FBRSL1: variants seen among roughly 807,000 people sequenced by gnomAD.
The protein encoded by FBRSL1 is fibrosin like 1, also known as fibrosin-1-like protein.
Under a neutral mutation model 89.6 loss-of-function variants are expected in FBRSL1, and 51 were observed. The ratio of observed to expected loss-of-function variants is 0.57; its 90% CI spans 0.45 to 0.72. The LOEUF is 0.72. Among genes scored for constraint, FBRSL1 ranks in the 30% least tolerant of loss-of-function variants. FBRSL1 has a pLI of 0.00. For synonymous variants in FBRSL1, 779 were observed against 681.1 expected (o/e 1.14, Z -2.24); for missense variants, 1,618 against 1,451.8 (o/e 1.11, Z -1.86).
intron 1 of FBRSL1, among the ~76,000 whole-genome samples, chr12:132,498,295 G>A (rs1029847639): frequency 6.6e-6 from 1 of 152,178 alleles, no homozygotes; most frequent in African/African-American, 2.4e-5. Context: ...CAGTCGGAAT[G>A]TTCCAGTGGG....
chr12:132,507,977 C>G (rs2033889019), intron 1 of FBRSL1, among the ~76,000 whole-genome samples, 176 bp from the exon 2 acceptor site: 1 of 152,196 alleles, frequency 6.6e-6, no homozygotes, highest in African/African-American at 2.4e-5. Flanking sequence ...AGCATCTCAC[C>G]TGCCATCGTC....
intron 1 of FBRSL1, among the ~76,000 whole-genome samples, chr12:132,494,940 G>A (rs897716936): frequency 6.6e-6 from 1 of 152,234 alleles, no homozygotes; most frequent in Non-Finnish European, 1.5e-5. Flanking sequence ...ACAGACGGTT[G>A]TGCTTAAGAA....
At chr12:132,524,648 G>T (rs1234180355) in intron 2 of FBRSL1, among the ~76,000 whole-genome samples, 1 of 152,184 alleles carries the variant, frequency 6.6e-6, no homozygotes, top group Non-Finnish European at 1.5e-5. Flanking sequence ...CGAGGCCTGG[G>T]GGCCCAGATG....
intron 2 of FBRSL1, among the ~76,000 whole-genome samples, chr12:132,519,899 C>CAA (rs760671307): frequency 0.029 from 3,334 of 114,344 alleles, 140 homozygotes; most frequent in East Asian, 0.12. Flanking sequence ...GACTCTGTCT[C>CAA]AAAAAAAAAA....
Position 132,584,853 on chromosome 12 carries a change from A to ACACAC in FBRSL1, c.*1075_*1076insCACAC. On this transcript the variant is annotated 3_prime_UTR_variant, in exon 19 of 19. Transcript: ENST00000680143. ...ACACACACACACACACACACACACA[A>ACACAC]AATCACTGCTGTGTGTTTTCTTCCG... The ACACAC allele has an allele frequency of 7.5e-6, 1 of 133,874 alleles. No homozygotes were observed. Among genetic ancestry groups the ACACAC allele is most frequent in the South Asian group, 2.4e-4 (1 of 4,124 alleles). 8.3% of individuals were successfully genotyped at this position (133,874 alleles called of 1,614,324 possible).
intron 5 of FBRSL1, among the ~76,000 whole-genome samples, chr12:132,549,951 G>T (rs536049453): frequency 1.3e-5 from 2 of 152,196 alleles, no homozygotes; most frequent in Non-Finnish European, 2.9e-5. Context: ...TTTCTGAGAC[G>T]CCCAAGCAGC....
At chr12:132,559,061 G>T (rs981686544) in intron 5 of FBRSL1, among the ~76,000 whole-genome samples, 2 of 152,256 alleles carry the variant, frequency 1.3e-5, no homozygotes, top group African/African-American at 4.8e-5. Context: ...CAGGCGTCTG[G>T]TGCGGTCAGG....
At chr12:132,510,702 C>T in intron 2 of FBRSL1, 2 of 1,221,136 alleles carry the variant, frequency 1.6e-6, no homozygotes, top group Non-Finnish European at 2.0e-6. Context: ...CCGCGTCTGC[C>T]TGCCGCCCCG....
chr12:132,510,366 C>T (rs539257174), intron 2 of FBRSL1: 53 of 1,231,770 alleles, frequency 4.3e-5, no homozygotes, highest in East Asian at 1.6e-4. Context: ...CCATCCCTGC[C>T]GGCCCCTGCG....
chr12:132,543,666 G>A (rs1054736716), intron 4 of FBRSL1, among the ~76,000 whole-genome samples: 12 of 143,212 alleles, frequency 8.4e-5, no homozygotes, highest in South Asian at 2.2e-4. Flanking sequence ...TCTCAAGGCC[G>A]TTGTCCACCC....
intron 5 of FBRSL1, among the ~76,000 whole-genome samples, chr12:132,561,608 C>G (rs973896656): frequency 1.3e-5 from 2 of 152,196 alleles, no homozygotes; most frequent in Non-Finnish European, 2.9e-5. Context: ...TCCTTCCTGG[C>G]CCCTGGAGAG....
At chr12:132,562,548 G>A (rs2039219386) in intron 5 of FBRSL1, among the ~76,000 whole-genome samples, 1 of 152,130 alleles carries the variant, frequency 6.6e-6, no homozygotes, top group Admixed American at 6.5e-5. Context: ...TCACCCTGCA[G>A]AAGCCTGGGC....
Position 132,574,574 on chromosome 12 carries a change from C to T in FBRSL1, c.1701+10C>T. 6.5e-7 allele frequency: 1 copy of T among 1,548,454 alleles called. No individual in the cohort carries two copies. The highest frequency in any genetic ancestry group is 8.7e-7 in the Non-Finnish European group (1 of 1,146,352). On this transcript the variant is annotated intron_variant, in intron 14 of 18. Transcript: ENST00000680143. Reference sequence around the variant, plus strand: ...CCAGCAGAAGATAAAGGTGAGACCACCTGGGCTGGGGCAGGGCGCTTGTGA... The same window carrying T: ...CCAGCAGAAGATAAAGGTGAGACCATCTGGGCTGGGGCAGGGCGCTTGTGA...
intron 4 of FBRSL1, among the ~76,000 whole-genome samples, chr12:132,537,885 G>A (rs1049196252): frequency 3.3e-5 from 5 of 152,212 alleles, no homozygotes; most frequent in Non-Finnish European, 7.3e-5. Flanking sequence ...GCAGCTGATC[G>A]GAGATCATCG....
chr12:132,582,148 C>G lies in FBRSL1; in HGVS notation c.2083C>G (p.Arg695Gly). 6.5e-7 allele frequency: 1 copy of G among 1,550,020 alleles called. No homozygotes were observed. Among genetic ancestry groups the G allele is most frequent in the East Asian group, 2.4e-5 (1 of 40,900 alleles). Residue 695 changes from arginine to glycine, a missense_variant, in exon 18 of 19, where the codon CGG becomes GGG. Arg to Gly is a moderately radical substitution (Grantham distance 125). Coordinates refer to ENST00000680143, the MANE Select transcript of FBRSL1 (RefSeq NM_001367871.1). ...CCATGAGGCCTGGAACCGACTGCACCGGGCACCGCCCTCCTTCCCGGCTCC... is the reference window on the plus strand; with the variant it reads ...CCATGAGGCCTGGAACCGACTGCACGGGGCACCGCCCTCCTTCCCGGCTCC... The part of the protein sequence containing the change: ...SPHEAWNRLH[R>G]APPSFPAPPP...
intron 5 of FBRSL1, chr12:132,559,956 T>G (rs1433786703): frequency 4.8e-5 from 7 of 147,024 alleles, no homozygotes; most frequent in Non-Finnish European, 1.1e-4. Flanking sequence ...CGCTCCCGCC[T>G]CCCGCGCGCC....
At chr12:132,504,577 C>G (rs772479878) in intron 1 of FBRSL1, among the ~76,000 whole-genome samples, 1 of 152,044 alleles carries the variant, frequency 6.6e-6, no homozygotes, top group Non-Finnish European at 1.5e-5. Flanking sequence ...TGTGGTGCCA[C>G]GGGTGCTGAC....
intron 1 of FBRSL1, 27 bp downstream of exon 1, chr12:132,490,888 G>A: frequency 7.6e-7 from 1 of 1,323,718 alleles, no homozygotes; most frequent in Non-Finnish European, 9.7e-7. Context: ...GGCTTCGCAG[G>A]CGTTGAGGCG....
At chr12:132,507,811 AGGT>A (rs1237230517) in intron 1 of FBRSL1, among the ~76,000 whole-genome samples, 1 of 152,054 alleles carries the variant, frequency 6.6e-6, no homozygotes, top group Non-Finnish European at 1.5e-5. Context: ...CGCTCTTGAA[AGGT>A]AGCCCTGGTC....
Sources: gnomAD v4.1 joint callset for allele counts (sites outside exome capture counted in the v4.1 genomes callset) on GRCh38, gnomAD v4.1.1 for gene constraint, MANE v1.5 for transcripts, NCBI Gene and HGNC (gene_info 2026-07-23, HGNC 2026-07-21) for gene names.